Variants in WDFY2 observed in about 807,000 individuals in gnomAD.
WDFY2 encodes WD repeat and FYVE domain-containing protein 2.
In WDFY2, 36 loss-of-function variants were observed where a neutral mutation model predicts 56.4. The observed-to-expected ratio is 0.64, with a 90% CI of 0.49 to 0.84. The LOEUF (loss-of-function observed/expected upper bound fraction) is 0.84, where lower values mean the gene tolerates loss of function less well. Ranked by LOEUF, WDFY2 falls within the 40% of genes least tolerant of loss-of-function variation. The pLI, the probability that WDFY2 is intolerant of heterozygous loss-of-function variation, is 0.00. For missense variants in WDFY2, 444 were observed against 512.2 expected, an observed-to-expected ratio of 0.87 and a Z score of 1.29; for synonymous variants, 176 against 183.7, an observed-to-expected ratio of 0.96 and a Z score of 0.34.
At chr13:51,664,944 C>T (rs779033211) in intron 2 of WDFY2, among the ~76,000 whole-genome samples, 6 of 152,190 alleles carry the variant, frequency 3.9e-5, no homozygotes, top group Admixed American at 1.3e-4. Flanking sequence ...TAACATTGTA[C>T]GATGTACTAA....
chr13:51,730,346 TG>T (rs1952696280), intron 6 of WDFY2, among the ~76,000 whole-genome samples: 1 of 152,222 alleles, frequency 6.6e-6, no homozygotes, highest in African/African-American at 2.4e-5. Flanking sequence ...TTTTACATTG[TG>T]GCCATTCCTT....
intron 1 of WDFY2, among the ~76,000 whole-genome samples, chr13:51,647,235 T>C (rs1441340848): frequency 1.2e-4 from 19 of 152,148 alleles, no homozygotes; most frequent in Non-Finnish European, 2.6e-4. Flanking sequence ...GAGACATATG[T>C]CATTAGGCAG....
chr13:51,644,606 G>A (rs1955232085), intron 1 of WDFY2, among the ~76,000 whole-genome samples: 1 of 152,136 alleles, frequency 6.6e-6, no homozygotes, highest in Non-Finnish European at 1.5e-5. Context: ...CTGGAATGGC[G>A]GTGAGTGTTT....
chr13:51,732,369 C>A (rs186657478), intron 6 of WDFY2, among the ~76,000 whole-genome samples: 3 of 152,186 alleles, frequency 2.0e-5, no homozygotes, highest in Non-Finnish European at 4.4e-5. Context: ...AACTACCTGC[C>A]TCGGCCTCCC....
At chr13:51,668,559 T>C (rs1955753404) in intron 2 of WDFY2, among the ~76,000 whole-genome samples, 2 of 152,254 alleles carry the variant, frequency 1.3e-5, no homozygotes, top group African/African-American at 4.8e-5. Flanking sequence ...ATAAATATTA[T>C]TCTATTATAA....
At chr13:51,632,175 C>G (rs775814977) in intron 1 of WDFY2, among the ~76,000 whole-genome samples, 4 of 151,956 alleles carry the variant, frequency 2.6e-5, no homozygotes, top group Non-Finnish European at 5.9e-5. Context: ...TCATCTCATT[C>G]ATGTTCCTTT....
At chr13:51,599,109 A>G (rs569856912) in intron 1 of WDFY2, 1 of 152,474 alleles carries the variant, frequency 6.6e-6, no homozygotes, top group South Asian at 2.1e-4. Context: ...GGGTTTCACC[A>G]CGTTGGCCAG....
At chr13:51,599,965 G>T (rs1452977683) in intron 1 of WDFY2, among the ~76,000 whole-genome samples, 1 of 151,202 alleles carries the variant, frequency 6.6e-6, no homozygotes, top group African/African-American at 2.4e-5. Flanking sequence ...CTTGCATGTG[G>T]CCACTGTGAC....
At chr13:51,733,448 C>T (rs1172120378) in intron 6 of WDFY2, among the ~76,000 whole-genome samples, 1 of 152,198 alleles carries the variant, frequency 6.6e-6, no homozygotes, top group Admixed American at 6.5e-5. Flanking sequence ...AGCAACCACA[C>T]AAAGGCAAGT....
At chr13:51,749,119 T>C (rs1419484108) in intron 7 of WDFY2, among the ~76,000 whole-genome samples, 1 of 152,186 alleles carries the variant, frequency 6.6e-6, no homozygotes, top group Non-Finnish European at 1.5e-5. Flanking sequence ...AAATTTTTTG[T>C]TTTGGAAAAT....
intron 2 of WDFY2, among the ~76,000 whole-genome samples, chr13:51,674,558 A>G (rs890596470): frequency 1.3e-5 from 2 of 152,170 alleles, no homozygotes; most frequent in Admixed American, 1.3e-4. Context: ...GCCAAGCCCT[A>G]TGATGAGTTG....
intron 3 of WDFY2, among the ~76,000 whole-genome samples, chr13:51,685,542 A>G (rs2138528261): frequency 6.6e-6 from 1 of 152,298 alleles, no homozygotes; most frequent in South Asian, 2.1e-4. Flanking sequence ...AAGCTGAAGA[A>G]AAGAAAATGT....
intron 6 of WDFY2, among the ~76,000 whole-genome samples, chr13:51,736,379 C>A (rs1214718177): frequency 6.6e-6 from 1 of 152,160 alleles, no homozygotes; most frequent in Non-Finnish European, 1.5e-5. Flanking sequence ...GGTTCCAGAG[C>A]CTGTACACTT....
intron 1 of WDFY2, among the ~76,000 whole-genome samples, chr13:51,613,361 G>A (rs368276067): frequency 2.1e-4 from 32 of 152,214 alleles, no homozygotes; most frequent in East Asian, 3.9e-4. Context: ...CTCCTCTTGC[G>A]GGGCTTTTGC....
intron 6 of WDFY2, among the ~76,000 whole-genome samples, chr13:51,734,925 T>C (rs9788353): frequency 0.013 from 2,050 of 152,314 alleles, 80 homozygotes; most frequent in East Asian, 0.098. Flanking sequence ...ACCACAAGCA[T>C]TGAAGCCCTG....
intron 3 of WDFY2, among the ~76,000 whole-genome samples, chr13:51,688,677 G>A (rs927492948): frequency 6.6e-6 from 1 of 152,102 alleles, no homozygotes; most frequent in African/African-American, 2.4e-5. Context: ...TCTTTCACCA[G>A]CAGCTTTCCT....
chr13:51,699,991 G>A (rs1240983318), intron 3 of WDFY2, among the ~76,000 whole-genome samples: 1 of 152,200 alleles, frequency 6.6e-6, no homozygotes, highest in East Asian at 1.9e-4. Context: ...CCATCAGAAA[G>A]AATAAGTTAG....
chr13:51,665,667 T>G (rs1407020118), intron 2 of WDFY2, among the ~76,000 whole-genome samples: 1 of 152,180 alleles, frequency 6.6e-6, no homozygotes. Context: ...TGGCATGTAT[T>G]GCCAACTTCT....
At chr13:51,669,107 ACT>A (rs926854500) in intron 2 of WDFY2, among the ~76,000 whole-genome samples, 26 of 152,030 alleles carry the variant, frequency 1.7e-4, no homozygotes, top group Admixed American at 1.0e-3. Context: ...TTAATTATTG[ACT>A]CTGCTGAGAT....
Sources: gnomAD v4.1 joint callset for allele counts (sites outside exome capture counted in the v4.1 genomes callset) on GRCh38, gnomAD v4.1.1 for gene constraint, MANE v1.5 for transcripts, NCBI Gene and HGNC (gene_info 2026-07-23, HGNC 2026-07-21) for gene names.